Variants in RSRC1 observed in about 807,000 individuals in gnomAD.
RSRC1 encodes serine/Arginine-related protein 53.
Under a neutral mutation model 49.1 loss-of-function variants are expected in RSRC1, and 39 were observed. That is an observed-to-expected ratio of 0.79 (90% CI 0.61 to 1.04). RSRC1 has a LOEUF of 1.04. Ranked by LOEUF, RSRC1 falls within the 50% of genes least tolerant of loss-of-function variation. The probability of loss-of-function intolerance (pLI) is 0.00; values close to 1 mark genes in which losing one functional copy is unlikely to be tolerated. For synonymous variants in RSRC1, 143 were observed against 130.8 expected, an observed-to-expected ratio of 1.09 and a Z score of -0.63; for missense variants, 388 against 402.4, an observed-to-expected ratio of 0.96 and a Z score of 0.31.
At chr3:158,391,951 T>G (rs1733330006) in intron 6 of RSRC1, among the ~76,000 whole-genome samples, 1 of 152,090 alleles carries the variant, frequency 6.6e-6, no homozygotes, top group Non-Finnish European at 1.5e-5. Flanking sequence ...ATAAGCCTTA[T>G]TAAGCCAGAA....
chr3:158,367,817 G>C (rs932953392), intron 6 of RSRC1, among the ~76,000 whole-genome samples: 3 of 151,878 alleles, frequency 2.0e-5, no homozygotes, highest in African/African-American at 7.3e-5. Context: ...ATGTCAAATT[G>C]AATAGGTTTG....
At chr3:158,499,113 C>T (rs1214331625) in intron 7 of RSRC1, among the ~76,000 whole-genome samples, 1 of 152,070 alleles carries the variant, frequency 6.6e-6, no homozygotes, top group Non-Finnish European at 1.5e-5. Context: ...CGCGGTGGCT[C>T]ACACCTGTAA....
At chr3:158,526,720 T>C (rs1712048327) in intron 7 of RSRC1, among the ~76,000 whole-genome samples, 1 of 151,986 alleles carries the variant, frequency 6.6e-6, no homozygotes, top group Non-Finnish European at 1.5e-5. Context: ...CATAGACTAT[T>C]TTCTCTAAGC....
intron 4 of RSRC1, among the ~76,000 whole-genome samples, chr3:158,229,281 AACATAC>A (rs1407945378): frequency 1.1e-5 from 1 of 88,188 alleles, no homozygotes; most frequent in African/African-American, 4.6e-5. Context: ...TATGTATATA[AACATAC>A]ACACACGTAT....
intron 5 of RSRC1, among the ~76,000 whole-genome samples, chr3:158,323,710 T>G (rs1728895561): frequency 6.6e-6 from 1 of 152,222 alleles, no homozygotes; most frequent in Admixed American, 6.5e-5. Flanking sequence ...TAAATAGCAC[T>G]TTGCCTCAGG....
At chr3:158,145,299 A>G (rs2108202758) in intron 3 of RSRC1, among the ~76,000 whole-genome samples, 1 of 152,194 alleles carries the variant, frequency 6.6e-6, no homozygotes. Context: ...ATCTTGAATT[A>G]ATTTTTGTAT....
intron 6 of RSRC1, among the ~76,000 whole-genome samples, chr3:158,383,157 A>G (rs767982860): frequency 4.6e-5 from 7 of 152,216 alleles, no homozygotes; most frequent in South Asian, 2.1e-4. Context: ...ATATCTTTCT[A>G]TAACCCCTTA....
chr3:158,465,473 C>A (rs189277734), intron 7 of RSRC1, among the ~76,000 whole-genome samples: 1 of 152,220 alleles, frequency 6.6e-6, no homozygotes, highest in Non-Finnish European at 1.5e-5. Context: ...CTTCTGGATA[C>A]CCTTTATAAG....
chr3:158,432,372 C>T (rs781259731), intron 6 of RSRC1, among the ~76,000 whole-genome samples: 2 of 151,884 alleles, frequency 1.3e-5, no homozygotes, highest in Non-Finnish European at 2.9e-5. Context: ...AGTCTTAATA[C>T]AGTAGGCAGT....
chr3:158,332,912 T>C (rs1348024749), intron 5 of RSRC1, among the ~76,000 whole-genome samples: 1 of 152,020 alleles, frequency 6.6e-6, no homozygotes, highest in African/African-American at 2.4e-5. Context: ...ACTTCCATCA[T>C]GGATTTGGAC....
chr3:158,175,519 A>G (rs1380589097), intron 3 of RSRC1, among the ~76,000 whole-genome samples: 4 of 151,974 alleles, frequency 2.6e-5, no homozygotes, highest in Admixed American at 6.6e-5. Flanking sequence ...ACCCATTACT[A>G]CTTATTGAAA....
At chr3:158,351,216 C>T (rs1730855041) in intron 5 of RSRC1, among the ~76,000 whole-genome samples, 1 of 152,062 alleles carries the variant, frequency 6.6e-6, no homozygotes, top group Non-Finnish European at 1.5e-5. Context: ...AAACTCAAGC[C>T]TAGAAACAAT....
At chr3:158,208,098 A>C (rs946204654) in intron 4 of RSRC1, among the ~76,000 whole-genome samples, 3 of 152,136 alleles carry the variant, frequency 2.0e-5, no homozygotes, top group Non-Finnish European at 4.4e-5. Flanking sequence ...GATTAATATA[A>C]GAAAGACATC....
chr3:158,477,789 G>A (rs1029073835), intron 7 of RSRC1, among the ~76,000 whole-genome samples: 4 of 64,132 alleles, frequency 6.2e-5, no homozygotes, highest in African/African-American at 2.4e-4. Context: ...GATAGGTTGC[G>A]GGAGGGATTT....
intron 7 of RSRC1, among the ~76,000 whole-genome samples, chr3:158,474,269 C>T (rs1030277506): frequency 6.6e-6 from 1 of 151,936 alleles, no homozygotes; most frequent in East Asian, 1.9e-4. Context: ...TTTTGTTTCC[C>T]GTAAAAGTTA....
At chr3:158,263,409 T>G (rs1319586313) in intron 4 of RSRC1, among the ~76,000 whole-genome samples, 2 of 152,142 alleles carry the variant, frequency 1.3e-5, no homozygotes, top group Non-Finnish European at 2.9e-5. Flanking sequence ...CTTTATATAT[T>G]GTTGCATTTG....
At chr3:158,482,160 A>C (rs1738636884) in intron 7 of RSRC1, among the ~76,000 whole-genome samples, 1 of 151,998 alleles carries the variant, frequency 6.6e-6, no homozygotes, top group Admixed American at 6.6e-5. Flanking sequence ...TTTAATAGTG[A>C]ATTAACAAAT....
chr3:158,132,098 C>G (rs1028384550), intron 3 of RSRC1: 1 of 441,548 alleles, frequency 2.3e-6, no homozygotes, highest in Non-Finnish European at 4.6e-6. Flanking sequence ...ATCCTCCTAC[C>G]TCAACCTCCT....
At chr3:158,383,665 G>C (rs1256101685) in intron 6 of RSRC1, among the ~76,000 whole-genome samples, 2 of 152,126 alleles carry the variant, frequency 1.3e-5, no homozygotes, top group Non-Finnish European at 2.9e-5. Flanking sequence ...GGTGTAATAA[G>C]TAGTGGTGGT....
Sources: allele counts gnomAD v4.1 joint callset (sites outside exome capture counted in the v4.1 genomes callset), GRCh38; gene constraint gnomAD v4.1.1; transcripts MANE v1.5; gene names NCBI Gene and HGNC (gene_info 2026-07-23, HGNC 2026-07-21).